DIP2B: variants seen among roughly 807,000 people sequenced by gnomAD.
DIP2B encodes the protein DIP2 acetate--CoA ligase B (putative), also known as disco-interacting protein 2 homolog B.
In DIP2B, 76 loss-of-function variants were observed where a neutral mutation model predicts 198.0. That is an observed-to-expected ratio of 0.38 (90% CI 0.32 to 0.46). The LOEUF is 0.46. Ranked by LOEUF, DIP2B falls within the 20% of genes least tolerant of loss-of-function variation. The pLI, the probability that DIP2B is intolerant of heterozygous loss-of-function variation, is 0.99. For synonymous variants in DIP2B, 701 were observed against 739.1 expected, an observed-to-expected ratio of 0.95 and a Z score of 0.84; for missense variants, 1,559 against 1,978.4, an observed-to-expected ratio of 0.79 and a Z score of 4.02.
chr12:50,683,221 G>A lies in DIP2B; in HGVS notation c.1290G>A (p.Val430=). The stretch of plus-strand genomic sequence containing the variant: ...GCCTCCTGGCAGAAGTGATTCCAGT[G>A]CCTATAGAGGTACCTCTTACCAGAA... ...YGCLLAEVIP[V]PIEVPLTRKD... The change falls in exon 10 of 38, where the codon GTG becomes GTA. Residue 430 remains valine (V), a synonymous_variant. Coordinates refer to ENST00000301180, the MANE Select transcript of DIP2B (RefSeq NM_173602.3). 6.2e-7 allele frequency: 1 copy of A among 1,611,990 alleles called. No individual in the cohort carries two copies.
chr12:50,520,974 T>C (rs891316678), intron 1 of DIP2B, among the ~76,000 whole-genome samples: 1 of 152,116 alleles, frequency 6.6e-6, no homozygotes, highest in African/African-American at 2.4e-5. Flanking sequence ...CTTTTTCTCC[T>C]ATTAAAATCC....
chr12:50,663,872 TA>T (rs397934701), intron 4 of DIP2B, among the ~76,000 whole-genome samples: 7,257 of 104,808 alleles, frequency 0.069, 408 homozygotes, highest in East Asian at 0.31. Context: ...CCCATCTCTT[TA>T]AAAAAAAAAA....
At chr12:50,543,924 TAAAAAAAAAAA>T (rs781505789) in intron 1 of DIP2B, among the ~76,000 whole-genome samples, 1 of 101,162 alleles carries the variant, frequency 9.9e-6, no homozygotes, top group African/African-American at 4.0e-5. Context: ...ACTCAGCCTT[TAAAAAAAAAAA>T]AAAAAAAAAG....
chr12:50,745,539 G>A lies in DIP2B; in HGVS notation c.*700G>A, dbSNP rs1445369745. The A allele has an allele frequency of 5.9e-5, 9 of 152,360 alleles. No homozygotes were observed. Among genetic ancestry groups the A allele is most frequent in the African/African-American group, 1.2e-4 (5 of 41,428 alleles). The allele number at this position is 152,360 out of a possible 1,614,324, so 9.4% of individuals were successfully genotyped here. On this transcript the variant is annotated 3_prime_UTR_variant, in exon 38 of 38. Coordinates refer to ENST00000301180, the MANE Select transcript of DIP2B (RefSeq NM_173602.3). ...GTAATTGATTAGGTAACTAAAAAGCGCAAATTGTTGGCAGGTTTTGCTGCA... is the reference window on the plus strand; with the variant it reads ...GTAATTGATTAGGTAACTAAAAAGCACAAATTGTTGGCAGGTTTTGCTGCA...
intron 1 of DIP2B, among the ~76,000 whole-genome samples, chr12:50,579,032 A>C (rs924314248): frequency 4.6e-5 from 7 of 152,280 alleles, no homozygotes; most frequent in African/African-American, 1.7e-4. Context: ...AAAGATATTG[A>C]TTTTAGTACA....
intron 19 of DIP2B, among the ~76,000 whole-genome samples, chr12:50,700,113 G>T (rs1939392240): frequency 6.6e-6 from 1 of 152,086 alleles, no homozygotes; most frequent in Non-Finnish European, 1.5e-5. Context: ...AATGTGTCTG[G>T]CAATGTTCCA....
intron 8 of DIP2B, 92 bp from the exon 9 acceptor site, chr12:50,680,580 A>G: frequency 4.9e-6 from 6 of 1,228,904 alleles, no homozygotes; most frequent in Non-Finnish European, 7.0e-6. Context: ...CCATTGTCTC[A>G]TTAACTACAC....
chr12:50,505,370 G>T, intron 1 of DIP2B, 130 bp downstream of exon 1: 1 of 647,384 alleles, frequency 1.5e-6, no homozygotes, highest in South Asian at 2.1e-5. Flanking sequence ...CTGGCCTGGC[G>T]CTCCACGACC....
chr12:50,714,149 A>G (rs974795939), intron 22 of DIP2B, among the ~76,000 whole-genome samples: 63 of 152,230 alleles, frequency 4.1e-4, no homozygotes, highest in African/African-American at 1.4e-3. Flanking sequence ...GTCAATATCC[A>G]CCTTTGTCCA....
Position 50,568,260 on chromosome 12 carries a change from A to C in DIP2B, c.101-57716A>C, listed in dbSNP as rs140871681. Among the ~76,000 whole-genome samples, 720 of 152,180 alleles carry C rather than the reference A, an allele frequency of 4.7e-3. 8 individuals carry two copies. The highest frequency in any genetic ancestry group is 0.016 in the African/African-American group (680 of 41,534). On this transcript the variant is annotated intron_variant, in intron 1 of 37. Coordinates refer to ENST00000301180, the MANE Select transcript of DIP2B (RefSeq NM_173602.3). ...AAGCTTGGAGGTCAGCCTGAGATGC[A>C]TGTTTGTTATTATGTAGAATTGGGG...
intron 1 of DIP2B, among the ~76,000 whole-genome samples, chr12:50,522,025 G>C (rs1958124886): frequency 6.6e-6 from 1 of 150,874 alleles, no homozygotes; most frequent in Admixed American, 6.6e-5. Flanking sequence ...TTTTAAGATA[G>C]AGTCTTGCTC....
chr12:50,546,831 T>C (rs1045066264), intron 1 of DIP2B, among the ~76,000 whole-genome samples: 4 of 152,150 alleles, frequency 2.6e-5, no homozygotes, highest in African/African-American at 9.7e-5. Context: ...AGGGCCAATG[T>C]AGGAGGCAGT....
chr12:50,536,471 T>C (rs1240291677), intron 1 of DIP2B, among the ~76,000 whole-genome samples: 3 of 152,116 alleles, frequency 2.0e-5, no homozygotes, highest in Non-Finnish European at 2.9e-5. Context: ...AAAAAATCAA[T>C]TCATGTATAG....
intron 23 of DIP2B, among the ~76,000 whole-genome samples, 167 bp from the exon 24 acceptor site, chr12:50,718,542 A>G (rs932322750): frequency 2.6e-5 from 4 of 152,178 alleles, no homozygotes; most frequent in African/African-American, 9.7e-5. Context: ...CTTCTTCAGA[A>G]TGCAGGCTCT....
chr12:50,644,962 AT>A (rs1031566369), intron 3 of DIP2B, among the ~76,000 whole-genome samples: 10 of 152,290 alleles, frequency 6.6e-5, no homozygotes, highest in South Asian at 4.1e-4. Flanking sequence ...GTGATTAATC[AT>A]TTTTTAAGAC....
chr12:50,630,028 C>T (rs1938014982), intron 2 of DIP2B, among the ~76,000 whole-genome samples: 1 of 151,160 alleles, frequency 6.6e-6, no homozygotes, highest in African/African-American at 2.4e-5. Context: ...CGGCTCACTG[C>T]AACCTCCACC....
At chr12:50,596,339 A>T (rs951921407) in intron 1 of DIP2B, among the ~76,000 whole-genome samples, 1 of 152,202 alleles carries the variant, frequency 6.6e-6, no homozygotes, top group African/African-American at 2.4e-5. Flanking sequence ...GGTGGTAAAA[A>T]CAGATTAACA....
At chr12:50,625,559 A>G (rs562690721) in intron 1 of DIP2B, among the ~76,000 whole-genome samples, 4 of 152,132 alleles carry the variant, frequency 2.6e-5, no homozygotes, top group African/African-American at 9.7e-5. Context: ...TCTTACTTTT[A>G]TGTGGTTCGT....
chr12:50,547,157 A>T (rs10431533), intron 1 of DIP2B, among the ~76,000 whole-genome samples: 143,644 of 152,246 alleles, frequency 0.94, 68,342 homozygotes, highest in East Asian at 1. Flanking sequence ...GGGGCCCTTT[A>T]TATAGAGGCA....
Sources: gnomAD v4.1 joint callset for allele counts (sites outside exome capture counted in the v4.1 genomes callset) on GRCh38, gnomAD v4.1.1 for gene constraint, MANE v1.5 for transcripts, NCBI Gene and HGNC (gene_info 2026-07-23, HGNC 2026-07-21) for gene names.